Variants in DGKB observed in about 807,000 individuals in gnomAD.
The protein encoded by DGKB is diacylglycerol kinase beta, also known as 90 kDa diacylglycerol kinase.
A neutral mutation model predicts 114.3 loss-of-function variants in DGKB; 67 were observed. The ratio of observed to expected loss-of-function variants is 0.59; its 90% CI spans 0.48 to 0.72. DGKB has a LOEUF of 0.72. DGKB is among the 30% of genes least tolerant of loss of function. The pLI is 0.00. For synonymous variants in DGKB, 398 were observed against 323.1 expected, an observed-to-expected ratio of 1.23 and a Z score of -2.49; for missense variants, 907 against 975.2, an observed-to-expected ratio of 0.93 and a Z score of 0.93.
At chr7:14,412,717 C>T (rs1376976195) in intron 21 of DGKB, among the ~76,000 whole-genome samples, 1 of 152,010 alleles carries the variant, frequency 6.6e-6, no homozygotes, top group Non-Finnish European at 1.5e-5. Flanking sequence ...CACGGTGGCT[C>T]ACGCCTGTAA....
chr7:14,246,591 T>C (rs936105495), intron 23 of DGKB, among the ~76,000 whole-genome samples: 9 of 152,146 alleles, frequency 5.9e-5, no homozygotes, highest in African/African-American at 2.2e-4. Flanking sequence ...TCATACTCAA[T>C]TTTGTTGTTG....
chr7:14,574,570 CAT>C (rs1486583143), intron 19 of DGKB, among the ~76,000 whole-genome samples, 198 bp from the exon 20 acceptor site: 1 of 152,152 alleles, frequency 6.6e-6, no homozygotes, highest in African/African-American at 2.4e-5. Context: ...TAATTGGTAA[CAT>C]GTACTGTATT....
intron 17 of DGKB, among the ~76,000 whole-genome samples, chr7:14,593,828 GA>G (rs375282695): frequency 6.7e-6 from 1 of 149,766 alleles, no homozygotes; most frequent in Non-Finnish European, 1.5e-5. Flanking sequence ...GTTAAAAAAA[GA>G]AAAAAACAAC....
intron 23 of DGKB, among the ~76,000 whole-genome samples, chr7:14,270,265 G>A (rs38260): frequency 0.049 from 7,521 of 152,162 alleles, 289 homozygotes; most frequent in East Asian, 0.17. Context: ...CACATATGCT[G>A]CGTTCTCTTC....
At chr7:14,468,234 T>C (rs1200156776) in intron 21 of DGKB, among the ~76,000 whole-genome samples, 1 of 152,134 alleles carries the variant, frequency 6.6e-6, no homozygotes, top group Non-Finnish European at 1.5e-5. Flanking sequence ...AAGAAAATTC[T>C]ATCATTGATA....
rs1020071893 is a variant in DGKB at position 14,168,131 on chromosome 7, C to T, written c.2304+8708G>A. On this transcript the variant is annotated intron_variant, in intron 25 of 25. Transcript: ENST00000402815. Reference sequence around the variant, plus strand: ...AATAGAAGATAGTTAAAAAATGAATCACTGGAAATTTTAAAACTGAAAAAT... The same window carrying T: ...AATAGAAGATAGTTAAAAAATGAATTACTGGAAATTTTAAAACTGAAAAAT... Among the ~76,000 whole-genome samples, 3 of 152,074 alleles carry T rather than the reference C, an allele frequency of 2.0e-5. 1 individual carries two copies. Among genetic ancestry groups the T allele is most frequent in the Non-Finnish European group, 2.9e-5 (2 of 68,022 alleles).
chr7:14,463,068 T>G (rs1833323207), intron 21 of DGKB, among the ~76,000 whole-genome samples: 1 of 152,112 alleles, frequency 6.6e-6, no homozygotes, highest in South Asian at 2.1e-4. Context: ...GACCCCTACC[T>G]TACACTTTAT....
At chr7:14,667,004 T>C (rs941368522) in intron 13 of DGKB, among the ~76,000 whole-genome samples, 3 of 152,032 alleles carry the variant, frequency 2.0e-5, no homozygotes, top group African/African-American at 7.2e-5. Context: ...TTCAGAGTAG[T>C]TGATTTTAAC....
chr7:14,693,473 C>T (rs1240284771), intron 9 of DGKB, among the ~76,000 whole-genome samples: 2 of 151,794 alleles, frequency 1.3e-5, no homozygotes, highest in Non-Finnish European at 2.9e-5. Flanking sequence ...AGAGGAACTA[C>T]TCCAAGAAAA....
chr7:14,754,213 C>A (rs1834531979), intron 3 of DGKB, among the ~76,000 whole-genome samples: 1 of 152,014 alleles, frequency 6.6e-6, no homozygotes, highest in Non-Finnish European at 1.5e-5. Context: ...AGGCAGCAAT[C>A]CATGTTTTGA....
At chr7:14,782,762 T>G (rs142542790) in intron 2 of DGKB, among the ~76,000 whole-genome samples, 1 of 152,150 alleles carries the variant, frequency 6.6e-6, no homozygotes, top group Non-Finnish European at 1.5e-5. Context: ...TATTCGAGGT[T>G]AGTGTAAAGG....
intron 20 of DGKB, among the ~76,000 whole-genome samples, chr7:14,570,592 G>A (rs989896702): frequency 4.6e-5 from 7 of 151,990 alleles, no homozygotes; most frequent in African/African-American, 1.7e-4. Context: ...TTACCAGAAA[G>A]TCAGCTAAAG....
chr7:14,551,367 A>C (rs1465670011), intron 20 of DGKB, among the ~76,000 whole-genome samples: 1 of 152,216 alleles, frequency 6.6e-6, no homozygotes, highest in Admixed American at 6.5e-5. Context: ...CACTTTTTAC[A>C]CAGCATGTGA....
intron 21 of DGKB, among the ~76,000 whole-genome samples, chr7:14,412,203 T>C (rs191912148): frequency 4.3e-4 from 65 of 152,310 alleles, no homozygotes; most frequent in African/African-American, 1.5e-3. Context: ...ATTGCTGCTA[T>C]AAAGCAGATA....
chr7:14,679,995 T>C (rs547650815), intron 12 of DGKB, among the ~76,000 whole-genome samples: 3 of 152,122 alleles, frequency 2.0e-5, no homozygotes, highest in African/African-American at 7.2e-5. Flanking sequence ...GGATATATGA[T>C]AACTTTTTAA....
At chr7:14,421,586 T>C (rs970253075) in intron 21 of DGKB, among the ~76,000 whole-genome samples, 1 of 152,140 alleles carries the variant, frequency 6.6e-6, no homozygotes, top group Non-Finnish European at 1.5e-5. Context: ...CTAGAAGTTT[T>C]GATTTTAAGA....
intron 2 of DGKB, among the ~76,000 whole-genome samples, chr7:14,804,261 CTT>C (rs1343848869): frequency 6.6e-6 from 1 of 151,922 alleles, no homozygotes; most frequent in African/African-American, 2.4e-5. Context: ...TCTGATGTCT[CTT>C]ATTGCATGGG....
At chr7:14,813,159 C>A (rs187170893) in intron 2 of DGKB, among the ~76,000 whole-genome samples, 7 of 152,272 alleles carry the variant, frequency 4.6e-5, no homozygotes, top group Admixed American at 1.3e-4. Flanking sequence ...ATAACCAGAA[C>A]TATTCAAAGG....
chr7:14,267,060 A>T (rs1469695251), intron 23 of DGKB, among the ~76,000 whole-genome samples: 1 of 152,194 alleles, frequency 6.6e-6, no homozygotes, highest in African/African-American at 2.4e-5. Flanking sequence ...GAATGAATAC[A>T]TGTCTTTGTG....
Sources: gnomAD v4.1 joint callset for allele counts (sites outside exome capture counted in the v4.1 genomes callset) on GRCh38, gnomAD v4.1.1 for gene constraint, MANE v1.5 for transcripts, NCBI Gene and HGNC (gene_info 2026-07-23, HGNC 2026-07-21) for gene names.